The following ABCC2 variants were observed in gnomAD, a reference collection of about 807,000 sequenced individuals.
ABCC2 encodes the protein ATP-binding cassette sub-family C member 2.
ABCC2 carries 157 observed loss-of-function variants against 173.4 expected under a neutral mutation model. The observed-to-expected ratio is 0.91, with a 90% confidence interval of 0.80 to 1.03. The LOEUF is 1.03. Ranked by LOEUF, ABCC2 falls within the 50% of genes least tolerant of loss-of-function variation. The pLI, the probability that ABCC2 is intolerant of heterozygous loss-of-function variation, is 0.00. For synonymous variants in ABCC2, 657 were observed against 693.5 expected (o/e 0.95, Z 0.83); for missense variants, 1,822 against 1,852.3 (o/e 0.98, Z 0.30).
chr10:99,812,162 A>C (rs576859314), intron 15 of ABCC2, among the ~76,000 whole-genome samples: 14 of 152,300 alleles, frequency 9.2e-5, no homozygotes, highest in Admixed American at 7.8e-4. Flanking sequence ...CTGTCTCCTT[A>C]CTATACTCCT....
At position 99,836,333 on chromosome 10, in the gene ABCC2, G is replaced by A. The variant is rs180757194; in HGVS notation, c.3614+43G>A. 17 of 1,604,598 alleles carry A rather than the reference G, an allele frequency of 1.1e-5. No homozygotes were observed. In the African/African-American group the frequency reaches 1.9e-4, roughly 18 times the overall value. On this transcript the variant is annotated intron_variant, in intron 25 of 31. Transcript: ENST00000647814. The stretch of plus-strand genomic sequence containing the variant: ...TATTTACCCATGTGTGTACTTTGGG[G>A]TTCTATATGTTTGATATTAGCGGTG...
At chr10:99,807,281 C>A in intron 11 of ABCC2, 103 bp from the exon 12 acceptor site, 5 of 1,425,056 alleles carry the variant, frequency 3.5e-6, no homozygotes, top group Non-Finnish European at 4.9e-6. Flanking sequence ...GATTTCTATT[C>A]CCCACATTTT....
At chr10:99,814,350 C>CATATATGG (rs2038313541) in intron 16 of ABCC2, among the ~76,000 whole-genome samples, 2 of 134,070 alleles carry the variant, frequency 1.5e-5, no homozygotes, top group African/African-American at 5.5e-5. Flanking sequence ...TATATACACA[C>CATATATGG]GTATGTATAC....
intron 30 of ABCC2, among the ~76,000 whole-genome samples, chr10:99,848,752 T>C (rs572006994): frequency 5.9e-5 from 9 of 152,286 alleles, no homozygotes; most frequent in Admixed American, 3.9e-4. Context: ...GCCTAAACTG[T>C]AGCCCAGACC....
In ABCC2 at chr10:99,810,190, A is replaced by C. The variant is rs1031690659; in HGVS notation, c.1872A>C (p.Thr624=). 1 of 1,613,556 alleles carries C rather than the reference A, an allele frequency of 6.2e-7. No homozygotes were observed. The highest frequency in any genetic ancestry group is 1.3e-5 in the African/African-American group (1 of 74,906). The change falls in exon 14 of 32, where the codon ACA becomes ACC. Residue 624 remains threonine, a synonymous_variant. Transcript: ENST00000647814. ...ACTTGGGAGGGGATGACTTGGACAC[A>C]TCTGCCATTCGACATGACTGCAATT... ...EKYLGGDDLD[T]SAIRHDCNFD... is the part of the protein sequence containing the mutation.
In ABCC2 at chr10:99,799,378, T is replaced by C. The variant is rs777475470; in HGVS notation, c.1031+8T>C. The C allele has an allele frequency of 1.2e-5, 19 of 1,613,968 alleles. No homozygotes were observed. The highest frequency in any genetic ancestry group is 1.5e-5 in the Non-Finnish European group (18 of 1,180,004). Reference sequence around the variant, plus strand: ...GAGTCCTCAGCTGCTGAAGTGAGTCTCCAGGCCTCAGATGGTCCTTTCAGG... The same window carrying C: ...GAGTCCTCAGCTGCTGAAGTGAGTCCCCAGGCCTCAGATGGTCCTTTCAGG... On this transcript the variant is annotated splice_region_variant and intron_variant, in intron 8 of 31. Coordinates refer to ENST00000647814, the MANE Select transcript of ABCC2 (RefSeq NM_000392.5).
rs2038480927 is a variant in ABCC2, at chr10:99,819,151, G to A, written c.2502G>A (p.Leu834=). Residue 834 remains leucine (L), a synonymous_variant, in exon 19 of 32, where the codon CTG becomes CTA. Transcript: ENST00000647814. The part of the protein sequence containing the change: ...FLPQVDEIVV[L]GNGTIVEKGS... ...CTCAAGTGGATGAGATTGTAGTTCT[G>A]GGGAATGGAACAATTGTAGAGAAAG... is the stretch of plus-strand genomic sequence containing the variant. 6.2e-7 allele frequency: 1 copy of A among 1,614,008 alleles called. No individual in the cohort carries two copies. The highest frequency in any genetic ancestry group is 2.2e-5 in the East Asian group (1 of 44,890).
intron 10 of ABCC2, among the ~76,000 whole-genome samples, 164 bp from the exon 11 acceptor site, chr10:99,805,218 G>A (rs1277700667): frequency 1.3e-5 from 2 of 152,196 alleles, no homozygotes; most frequent in Non-Finnish European, 2.9e-5. Context: ...CAGGAGCAGA[G>A]TGGGCAAAGA....
intron 9 of ABCC2, among the ~76,000 whole-genome samples, chr10:99,802,603 T>C (rs531948806): frequency 6.6e-6 from 1 of 152,330 alleles, no homozygotes; most frequent in Non-Finnish European, 1.5e-5. Context: ...TTCTTCTTTT[T>C]ACTGTACAGC....
rs899615669 is a variant in ABCC2 at position 99,845,912 on chromosome 10, C to A, written c.4146+130C>A. ...CCACGGTCTACTCGGGATACTTGAG[C>A]TAGTTCCCTAGGATGGACACGTCAT... On this transcript the variant is annotated intron_variant, in intron 29 of 31. Transcript: ENST00000647814. 1.1e-5 allele frequency: 11 copies of A among 1,031,544 alleles called. No individual in the cohort carries two copies. In the African/African-American group the frequency reaches 1.8e-4, roughly 17 times the overall value. The allele number at this position is 1,031,544 out of a possible 1,614,324, so 63.9% of individuals were successfully genotyped here.
chr10:99,846,238 C>T (rs1053429997), intron 29 of ABCC2, among the ~76,000 whole-genome samples: 1 of 152,250 alleles, frequency 6.6e-6, no homozygotes, highest in Non-Finnish European at 1.5e-5. Context: ...CTTCGGCTTC[C>T]TCTCTGGATC....
intron 24 of ABCC2, 87 bp downstream of exon 24, chr10:99,834,622 A>G: frequency 6.7e-7 from 1 of 1,485,016 alleles, no homozygotes; most frequent in Non-Finnish European, 9.4e-7. Flanking sequence ...TCTCTGATTC[A>G]TTGCTAGTCA....
chr10:99,793,418 C>A (rs1328793788), intron 3 of ABCC2, 133 bp from the exon 4 acceptor site: 1 of 1,338,898 alleles, frequency 7.5e-7, no homozygotes, highest in Non-Finnish European at 1.1e-6. Flanking sequence ...TGTGTGCTCT[C>A]TACCTGGCCA....
At chr10:99,842,148 G>C in intron 26 of ABCC2, 55 bp downstream of exon 26, 1 of 1,611,154 alleles carries the variant, frequency 6.2e-7, no homozygotes, top group Non-Finnish European at 8.5e-7. Flanking sequence ...CTTAAATTAA[G>C]CCTGATGTAT....
chr10:99,815,276 C>T (rs986374088), intron 16 of ABCC2, among the ~76,000 whole-genome samples: 2 of 152,148 alleles, frequency 1.3e-5, no homozygotes, highest in Non-Finnish European at 2.9e-5. Flanking sequence ...GACATGATCT[C>T]GTTCCTTTTT....
At position 99,831,795 on chromosome 10, in the gene ABCC2, G is replaced by C. The variant is rs374311166; in HGVS notation, c.3068G>C (p.Arg1023Thr). The change falls in exon 22 of 32, where the codon AGA (arginine) becomes ACA (threonine). Residue 1023 changes from arginine to threonine, a missense_variant. Physicochemically the swap from Arg to Thr is moderately conservative, Grantham distance 71. Transcript: ENST00000647814. Reference sequence around the variant, plus strand: ...TATCCAGCATCTCAGAGGGACATGAGAGTTGGAGTCTACGGAGCTCTGGGA... The same window carrying C: ...TATCCAGCATCTCAGAGGGACATGACAGTTGGAGTCTACGGAGCTCTGGGA... ...TDYPASQRDM[R>T]VGVYGALGLA... 1 of 1,614,214 alleles carries C rather than the reference G, an allele frequency of 6.2e-7. No individual in the cohort carries two copies. Among genetic ancestry groups the C allele is most frequent in the Non-Finnish European group, 8.5e-7 (1 of 1,180,032 alleles).
rs1346216242 is a variant in ABCC2, at chr10:99,836,303, C to T, written c.3614+13C>T. The stretch of plus-strand genomic sequence containing the variant: ...TCACCTCCAACAGGTGAGGCTTCCC[C>T]TGGGTATTTACCCATGTGTGTACTT... On this transcript the variant is annotated intron_variant, in intron 25 of 31. Coordinates refer to ENST00000647814, the MANE Select transcript of ABCC2 (RefSeq NM_000392.5). The T allele has an allele frequency of 6.2e-7, 1 of 1,613,596 alleles. No homozygotes were observed. Among genetic ancestry groups the T allele is most frequent in the South Asian group, 1.1e-5 (1 of 91,040 alleles).
chr10:99,797,270 C>G lies in ABCC2; in HGVS notation c.806C>G (p.Ser269Cys). 2 of 1,614,010 alleles carry G rather than the reference C, an allele frequency of 1.2e-6. No individual in the cohort carries two copies. The highest frequency in any genetic ancestry group is 1.1e-5 in the South Asian group (1 of 91,060). The change falls in exon 7 of 32, where the codon TCT becomes TGT. Residue 269 changes from serine (S) to cysteine (C), a missense_variant. Transcript: ENST00000647814. ...CAGGAGAAGAGCTCCCAGCAGAACT[C>G]TGGAGCCAGGCTGCCTGGCTTGAAC... Reference protein sequence around the residue: ...RRQEKSSQQNSGARLPGLNKN... With the variant: ...RRQEKSSQQNCGARLPGLNKN...
chr10:99,793,245 G>A (rs1022826193), intron 3 of ABCC2, among the ~76,000 whole-genome samples: 5 of 152,154 alleles, frequency 3.3e-5, no homozygotes, highest in African/African-American at 7.2e-5. Flanking sequence ...TAATTTTCAT[G>A]GGTCCTGGAA....
Sources: gnomAD v4.1 joint callset for allele counts (sites outside exome capture counted in the v4.1 genomes callset) on GRCh38, gnomAD v4.1.1 for gene constraint, MANE v1.5 for transcripts, NCBI Gene and HGNC (gene_info 2026-07-23, HGNC 2026-07-21) for gene names.